Variants in CETP observed in about 807,000 individuals in gnomAD.
CETP encodes cholesteryl ester transfer protein.
Under a neutral mutation model 66.5 loss-of-function variants are expected in CETP, and 56 were observed. That is an observed-to-expected ratio of 0.84 (90% CI 0.68 to 1.05). The LOEUF is 1.05. Ranked by LOEUF, CETP falls within the 50% of genes least tolerant of loss-of-function variation. CETP has a pLI of 0.00. For missense variants in CETP, 612 were observed against 609.6 expected (o/e 1.00, Z -0.04); for synonymous variants, 251 against 245.7 (o/e 1.02, Z -0.20).
chr16:56,963,444 A>G (rs2056040361), intron 2 of CETP, among the ~76,000 whole-genome samples: 1 of 152,112 alleles, frequency 6.6e-6, no homozygotes, highest in Non-Finnish European at 1.5e-5. Context: ...TCTCAACAAA[A>G]TAAGTATTTT....
intron 10 of CETP, among the ~76,000 whole-genome samples, chr16:56,977,208 G>A (rs200967535): frequency 1.3e-4 from 20 of 152,230 alleles, no homozygotes; most frequent in East Asian, 3.9e-4. Flanking sequence ...CCCGCACCCC[G>A]CCGGCCCTTT....
rs5881 is a variant in CETP at position 56,978,100 on chromosome 16, G to A, written c.991G>A (p.Gly331Ser). 1.8e-4 allele frequency: 288 copies of A among 1,614,102 alleles called. 1 individual carries two copies. The East Asian group carries it at 2.2e-3, about 12-fold the overall frequency. The change falls in exon 11 of 16, where the codon GGC (glycine) becomes AGC (serine). Residue 331 changes from glycine to serine, a missense_variant. Physicochemically the swap from Gly to Ser is moderately conservative, Grantham distance 56. Transcript: ENST00000200676. The part of the protein sequence containing the change: ...NQEIFQEVVG[G>S]FPSQAQVTVH... ...CCCCTGTCTTCCACAGGTTGTCGGC[G>A]GCTTCCCCAGCCAGGCCCAAGTCAC...
At chr16:56,982,267 G>T in intron 14 of CETP, 30 bp downstream of exon 14, 1 of 1,606,358 alleles carries the variant, frequency 6.2e-7, no homozygotes, top group South Asian at 1.1e-5. Flanking sequence ...GAAACTGGGT[G>T]CCGAGGCTGA....
Position 56,970,139 on chromosome 16 carries a change from G to A in CETP, c.527+138G>A, listed in dbSNP as rs1227448967. 4.0e-6 allele frequency: 3 copies of A among 752,180 alleles called. No individual in the cohort carries two copies. The African/African-American group carries it at 5.2e-5, about 13-fold the overall frequency. 46.6% of individuals were successfully genotyped at this position (752,180 alleles called of 1,614,324 possible). A position where few individuals can be genotyped will look rare whatever the true frequency, so the allele number is the denominator to read the frequency against. ...TGAGGGCAGCAATACCTTCAGTGGG[G>A]TCACTTCCTACCCCCTCCCATCAAT... is the stretch of plus-strand genomic sequence containing the variant. On this transcript the variant is annotated intron_variant, in intron 5 of 15. Coordinates refer to ENST00000200676, the MANE Select transcript of CETP (RefSeq NM_000078.3).
At chr16:56,983,488 G>A in intron 15 of CETP, 77 bp downstream of exon 15, 1 of 1,595,068 alleles carries the variant, frequency 6.3e-7, no homozygotes, top group South Asian at 1.1e-5. Context: ...GTGACTGGGG[G>A]CTGTTGGGGA....
intron 14 of CETP, 136 bp downstream of exon 14, chr16:56,982,373 C>A: frequency 1.2e-6 from 1 of 830,580 alleles, no homozygotes; most frequent in Non-Finnish European, 2.1e-6. Flanking sequence ...GGCCCCCTTT[C>A]CTCTCCCTGC....
chr16:56,970,138 G>C, intron 5 of CETP, 137 bp downstream of exon 5: 1 of 754,116 alleles, frequency 1.3e-6, no homozygotes, highest in South Asian at 1.5e-5. Flanking sequence ...CCTTCAGTGG[G>C]GTCACTTCCT....
intron 2 of CETP, among the ~76,000 whole-genome samples, chr16:56,967,671 A>C (rs979594982): frequency 1.4e-5 from 1 of 69,510 alleles, no homozygotes; most frequent in East Asian, 3.7e-4. Context: ...AAAAAAAAAA[A>C]CAATGGTATG....
intron 2 of CETP, among the ~76,000 whole-genome samples, chr16:56,966,625 G>A (rs1421421866): frequency 4.6e-5 from 7 of 152,030 alleles, no homozygotes; most frequent in Non-Finnish European, 8.8e-5. Context: ...TTGAGACAGA[G>A]TTTTGCACTT....
At chr16:56,970,078 A>C (rs2056099285) in intron 5 of CETP, 77 bp downstream of exon 5, 2 of 1,378,934 alleles carry the variant, frequency 1.5e-6, no homozygotes, top group Non-Finnish European at 2.0e-6. Context: ...TTCCAGGCTC[A>C]ACCCCACACA....
At chr16:56,963,303 G>A (rs1567468475) in intron 2 of CETP, among the ~76,000 whole-genome samples, 179 bp downstream of exon 2, 1 of 152,116 alleles carries the variant, frequency 6.6e-6, no homozygotes, top group Non-Finnish European at 1.5e-5. Context: ...CTGGTGCCCT[G>A]GGGGGATTTA....
intron 15 of CETP, 54 bp from the exon 16 acceptor site, chr16:56,983,538 G>A (rs375189946): frequency 6.2e-7 from 1 of 1,607,722 alleles, no homozygotes; most frequent in Non-Finnish European, 8.5e-7. Flanking sequence ...CTCCCTCCTG[G>A]TGGCCTGGGA....
chr16:56,975,237 A>T (rs1375145340), intron 10 of CETP, 86 bp downstream of exon 10: 73 of 1,125,182 alleles, frequency 6.5e-5, no homozygotes, highest in Non-Finnish European at 7.9e-5. Context: ...AGCCAATAAC[A>T]CCACCAATGG....
rs1362652520 is a variant in CETP at position 56,969,847 on chromosome 16, C to A, written c.440-67C>A. 4 of 1,575,234 alleles carry A rather than the reference C, an allele frequency of 2.5e-6. No homozygotes were observed. In the East Asian group the frequency reaches 9.2e-5, roughly 36 times the overall value. On this transcript the variant is annotated intron_variant, in intron 4 of 15. Transcript: ENST00000200676. ...AGAGCTGGCCAAGCTCTTGACTGGC[C>A]TGGGCAGCATGTGGATACCATCTGA...
chr16:56,982,186 A>G lies in CETP; in HGVS notation c.1270A>G (p.Ser424Gly). Reference protein sequence around the residue: ...LTESSSESVQSFLQSMITAVG... With the variant: ...LTESSSESVQGFLQSMITAVG... ...GCAGAGCAGCTCCGAGTCCGTCCAG[A>G]GCTTCCTGCAGTCAATGATCACCGC... Residue 424 changes from serine (S) to glycine (G), a missense_variant, in exon 14 of 16, where the codon AGC becomes GGC. Transcript: ENST00000200676. 1 of 1,614,126 alleles carries G rather than the reference A, an allele frequency of 6.2e-7. No homozygotes were observed. Among genetic ancestry groups the G allele is most frequent in the East Asian group, 2.2e-5 (1 of 44,882 alleles).
chr16:56,983,272 G>A (rs376835790), intron 14 of CETP, 54 bp from the exon 15 acceptor site: 37 of 1,504,614 alleles, frequency 2.5e-5, no homozygotes, highest in Middle Eastern at 1.7e-4. Flanking sequence ...GCAGAGCCTC[G>A]GGCCGGCCTT....
chr16:56,976,911 A>T (rs993305722), intron 10 of CETP, among the ~76,000 whole-genome samples: 17 of 150,808 alleles, frequency 1.1e-4, no homozygotes, highest in South Asian at 2.1e-4. Flanking sequence ...TTAATTAATT[A>T]ATTTATTTAT....
intron 11 of CETP, among the ~76,000 whole-genome samples, chr16:56,978,787 A>G (rs291043): frequency 0.28 from 42,213 of 151,818 alleles, 6,621 homozygotes; most frequent in East Asian, 0.43. Context: ...TGCCAAGCAT[A>G]TGTTCTTTCA....
chr16:56,972,134 G>T lies in CETP; in HGVS notation c.750+51G>T, dbSNP rs2056115820. 2.1e-6 allele frequency: 3 copies of T among 1,425,258 alleles called. No individual in the cohort carries two copies. In the African/African-American group the frequency reaches 4.2e-5, roughly 20 times the overall value. 88.3% of individuals were successfully genotyped at this position (1,425,258 alleles called of 1,614,324 possible). ...GGGCCCAGCTTCCCCAGGGGAGTTGGTCCTTTTTTGTGCTCTGACAACCCC... is the reference window on the plus strand; with the variant it reads ...GGGCCCAGCTTCCCCAGGGGAGTTGTTCCTTTTTTGTGCTCTGACAACCCC... On this transcript the variant is annotated intron_variant, in intron 8 of 15. Coordinates refer to ENST00000200676, the MANE Select transcript of CETP (RefSeq NM_000078.3).
Sources: gnomAD v4.1 joint callset for allele counts (sites outside exome capture counted in the v4.1 genomes callset) on GRCh38, gnomAD v4.1.1 for gene constraint, MANE v1.5 for transcripts, NCBI Gene and HGNC (gene_info 2026-07-23, HGNC 2026-07-21) for gene names.